Variants in MINK1 observed in about 807,000 individuals in gnomAD.
MINK1 encodes misshapen like kinase 1.
In MINK1, 46 loss-of-function variants were observed where a neutral mutation model predicts 178.4. The ratio of observed to expected loss-of-function variants is 0.26; its 90% CI spans 0.20 to 0.33. The LOEUF is 0.33. Ranked by LOEUF, MINK1 falls within the 10% of genes least tolerant of loss-of-function variation. The pLI is 1.00. For missense variants in MINK1, 1,366 were observed against 1,814.9 expected, an observed-to-expected ratio of 0.75 and a Z score of 4.49; for synonymous variants, 797 against 709.7, an observed-to-expected ratio of 1.12 and a Z score of -1.96.
chr17:4,892,239 T>TGCCTGGGTAGGGCAAC lies in MINK1; in HGVS notation c.2087+14_2087+29dup. The TGCCTGGGTAGGGCAAC allele has an allele frequency of 6.4e-7, 1 of 1,571,756 alleles. No homozygotes were observed. The highest frequency in any genetic ancestry group is 8.6e-7 in the Non-Finnish European group (1 of 1,159,198). ...AGCCCAGGCAGTCCGTGCCAGGTAA[T>TGCCTGGGTAGGGCAAC]GCCTGGGTAGGGCAACGCCTGGGTG... On this transcript the variant is annotated splice_donor_region_variant and intron_variant, in intron 17 of 31. Coordinates refer to ENST00000355280, the MANE Select transcript of MINK1 (RefSeq NM_153827.5).
Position 4,887,546 on chromosome 17 carries a change from G to T in MINK1, c.1020-34G>T. 1 of 1,467,862 alleles carries T rather than the reference G, an allele frequency of 6.8e-7. No homozygotes were observed. The highest frequency in any genetic ancestry group is 1.4e-5 in the South Asian group (1 of 69,724). The allele number at this position is 1,467,862 out of a possible 1,614,324, so 90.9% of individuals were successfully genotyped here. On this transcript the variant is annotated intron_variant, in intron 11 of 31. Transcript: ENST00000355280. This position sits in a 1 kb window ranked among gnomAD's most constrained non-coding sequence, Gnocchi z 7.6. Reference sequence around the variant, plus strand: ...TGAGAGTGGGAACCAACAGGGTTCTGACCCCAGTGCTTCTTTGTGCCACCC... The same window carrying T: ...TGAGAGTGGGAACCAACAGGGTTCTTACCCCAGTGCTTCTTTGTGCCACCC...
At chr17:4,835,645 CA>C (rs1909203257) in intron 1 of MINK1, among the ~76,000 whole-genome samples, 1 of 151,790 alleles carries the variant, frequency 6.6e-6, no homozygotes, top group African/African-American at 2.4e-5. Flanking sequence ...CAAAACAAAA[CA>C]AAAAAACGGG....
At chr17:4,871,158 C>A (rs1915812359) in intron 1 of MINK1, 2 of 231,032 alleles carry the variant, frequency 8.7e-6, no homozygotes, top group South Asian at 3.6e-5. Context: ...AGTTTATTCC[C>A]TTTTTTTGTT....
At position 4,895,855 on chromosome 17, in the gene MINK1, GC is replaced by G; in HGVS notation, c.3364+25del. 3.7e-6 allele frequency: 6 copies of G among 1,611,174 alleles called. No individual in the cohort carries two copies. The highest frequency in any genetic ancestry group is 5.1e-6 in the Non-Finnish European group (6 of 1,178,410). Reference sequence around the variant, plus strand: ...TTGGTGAGGATGTCCCAACAGAGTGGCCAGCGCATACTTGTTCATGAAGAGA... The same window carrying G: ...TTGGTGAGGATGTCCCAACAGAGTGGCAGCGCATACTTGTTCATGAAGAGA... On this transcript the variant is annotated intron_variant, in intron 27 of 31. Coordinates refer to ENST00000355280, the MANE Select transcript of MINK1 (RefSeq NM_153827.5). The surrounding 1 kb of genome is among the most constrained non-coding windows in gnomAD (Gnocchi z 4.3).
At chr17:4,858,754 T>G (rs1489647378) in intron 1 of MINK1, among the ~76,000 whole-genome samples, 1 of 152,184 alleles carries the variant, frequency 6.6e-6, no homozygotes, top group Non-Finnish European at 1.5e-5. Context: ...AATTCTCTTC[T>G]CCCGCTTCCG....
At chr17:4,861,497 G>A (rs1914162221) in intron 1 of MINK1, among the ~76,000 whole-genome samples, 1 of 151,868 alleles carries the variant, frequency 6.6e-6, no homozygotes, top group Non-Finnish European at 1.5e-5. Flanking sequence ...TCAACCAAAG[G>A]TTTTTATTTA....
In MINK1 at chr17:4,889,735, A is replaced by AGGAGCGGCGGCAGGC; in HGVS notation, c.1326_1340dup (p.Arg443_Arg447dup). The AGGAGCGGCGGCAGGC allele has an allele frequency of 1.3e-6, 2 of 1,546,318 alleles. No individual in the cohort carries two copies. Among genetic ancestry groups the AGGAGCGGCGGCAGGC allele is most frequent in the Non-Finnish European group, 1.7e-6 (2 of 1,148,556 alleles). The stretch of plus-strand genomic sequence containing the variant: ...GACATGCAGGCTCTGCGGCGGGAGG[A>AGGAGCGGCGGCAGGC]GGAGCGGCGGCAGGCGGAGCGCGAG... On this transcript the variant is annotated inframe_insertion, in exon 13 of 32. Coordinates refer to ENST00000355280, the MANE Select transcript of MINK1 (RefSeq NM_153827.5).
chr17:4,877,391 G>A (rs1456885338), intron 1 of MINK1, among the ~76,000 whole-genome samples: 1 of 152,118 alleles, frequency 6.6e-6, no homozygotes, highest in Non-Finnish European at 1.5e-5. Context: ...TCCCTTCTCA[G>A]AGGCCCTTTC....
intron 2 of MINK1, 136 bp from the exon 3 acceptor site, chr17:4,880,848 C>A: frequency 1.3e-6 from 1 of 778,022 alleles, no homozygotes; most frequent in Non-Finnish European, 1.9e-6. Context: ...GGCAGTGAGC[C>A]GAGATCGCGC....
chr17:4,876,086 C>T (rs1967160351), intron 1 of MINK1, among the ~76,000 whole-genome samples: 1 of 152,090 alleles, frequency 6.6e-6, no homozygotes, highest in Non-Finnish European at 1.5e-5. Flanking sequence ...TGAGCCACCG[C>T]GCCCGGCCAA....
In MINK1 at chr17:4,893,782, C is replaced by T. The variant is rs996869535; in HGVS notation, c.2564+185C>T. 35 of 1,003,762 alleles carry T rather than the reference C, an allele frequency of 3.5e-5. No homozygotes were observed. The African/African-American group carries it at 4.4e-4, about 13-fold the overall frequency. 62.2% of individuals were successfully genotyped at this position (1,003,762 alleles called of 1,614,324 possible). A position where few individuals can be genotyped will look rare whatever the true frequency, so the allele number is the denominator to read the frequency against. ...CCTGTGTGTTGTGGGGTGGCCTCTT[C>T]AAGTGCCTGTCTGCCCCTGTGCCAG... On this transcript the variant is annotated intron_variant, in intron 21 of 31. Transcript: ENST00000355280.
Position 4,897,020 on chromosome 17 carries a change from T to C in MINK1, c.3916-184T>C, listed in dbSNP as rs570716694. The C allele has an allele frequency of 4.4e-5, 39 of 878,404 alleles. No homozygotes were observed. The South Asian group carries it at 5.2e-4, about 12-fold the overall frequency. 54.4% of individuals were successfully genotyped at this position (878,404 alleles called of 1,614,324 possible). On this transcript the variant is annotated intron_variant, in intron 31 of 31. Transcript: ENST00000355280. Reference sequence around the variant, plus strand: ...CAGCTGGCCCCCAGGGGGCGAGTGGTGCACCCTCTCCCCTAACATCCCAGC... The same window carrying C: ...CAGCTGGCCCCCAGGGGGCGAGTGGCGCACCCTCTCCCCTAACATCCCAGC...
Position 4,836,513 on chromosome 17 carries a change from A to G in MINK1, c.57+2873A>G, listed in dbSNP as rs2150721496. Among the ~76,000 whole-genome samples the G allele has an allele frequency of 6.6e-6, 1 of 152,218 alleles. No homozygotes were observed. The highest frequency in any genetic ancestry group is 1.5e-5 in the Non-Finnish European group (1 of 68,020). On this transcript the variant is annotated intron_variant, in intron 1 of 31. Coordinates refer to ENST00000355280, the MANE Select transcript of MINK1 (RefSeq NM_153827.5). The surrounding 1 kb of genome is among the most constrained non-coding windows in gnomAD (Gnocchi z 4.3). Reference sequence around the variant, plus strand: ...TTCAAGTCCTAGTTTCTTCCCTTACAATGTAACCCTGGCCCTGCTCCCCTT... The same window carrying G: ...TTCAAGTCCTAGTTTCTTCCCTTACGATGTAACCCTGGCCCTGCTCCCCTT...
At chr17:4,893,395 C>T (rs1288019905) in intron 20 of MINK1, 39 bp from the exon 21 acceptor site, 3 of 1,601,290 alleles carry the variant, frequency 1.9e-6, no homozygotes, top group African/African-American at 1.3e-5. Context: ...CCACCCAGGC[C>T]CAGCTTCTCC....
At chr17:4,845,213 G>C (rs1298493880) in intron 1 of MINK1, among the ~76,000 whole-genome samples, 1 of 152,128 alleles carries the variant, frequency 6.6e-6, no homozygotes, top group Non-Finnish European at 1.5e-5. Context: ...AAGATGACAG[G>C]CTTCTGAAAG....
intron 1 of MINK1, among the ~76,000 whole-genome samples, chr17:4,866,846 GGC>G (rs1915059324): frequency 1.3e-5 from 2 of 151,996 alleles, no homozygotes; most frequent in South Asian, 4.1e-4. Flanking sequence ...GGCCGAGGCA[GGC>G]GGATCACGAG....
Position 4,895,447 on chromosome 17 carries a change from G to T in MINK1, c.3183G>T (p.Gln1061His), listed in dbSNP as rs372691547. 6.2e-7 allele frequency: 1 copy of T among 1,605,122 alleles called. No homozygotes were observed. Among genetic ancestry groups the T allele is most frequent in the Non-Finnish European group, 8.5e-7 (1 of 1,174,800 alleles). Residue 1061 changes from glutamine to histidine, a missense_variant, in exon 26 of 32, where the codon CAG (glutamine) becomes CAT (histidine). This residue lies in a region of MINK1 where 77 missense variants were observed against 119.5 expected (regional missense o/e 0.64). Transcript: ENST00000355280. The surrounding 1 kb of genome is among the most constrained non-coding windows in gnomAD (Gnocchi z 4.3). ...VYGLIGRRRF[Q>H]QMDVLEGLNL... ...GACTCATTGGGCGGCGACGCTTCCA[G>T]CAGATGGATGTGCTGGAGGGGCTCA...
chr17:4,864,862 CT>C (rs1354861400), intron 1 of MINK1, among the ~76,000 whole-genome samples: 1 of 152,112 alleles, frequency 6.6e-6, no homozygotes, highest in Non-Finnish European at 1.5e-5. Context: ...GAGGAGGGTA[CT>C]GGAAAGCCGG....
At chr17:4,890,010 C>G (rs947553700) in intron 13 of MINK1, 6 of 573,080 alleles carry the variant, frequency 1.0e-5, no homozygotes, top group African/African-American at 3.9e-5. Context: ...CCTCATCCCC[C>G]CTCATTCCCT....
Sources: gnomAD v4.1 joint callset for allele counts (sites outside exome capture counted in the v4.1 genomes callset) on GRCh38, gnomAD v4.1.1 for gene constraint, gnomAD v4.1.1 regional missense constraint, Gnocchi (gnomAD v3.1) non-coding constraint, MANE v1.5 for transcripts, NCBI Gene and HGNC (gene_info 2026-07-23, HGNC 2026-07-21) for gene names.